Variants in GNB1L observed in about 807,000 individuals in gnomAD.
GNB1L encodes the protein guanine nucleotide-binding protein subunit beta-like protein 1.
GNB1L carries 20 observed loss-of-function variants against 29.1 expected under a neutral mutation model. That is an observed-to-expected ratio of 0.69 (90% CI 0.48 to 1.00). The LOEUF (loss-of-function observed/expected upper bound fraction) is 1.00. Ranked by LOEUF, GNB1L falls within the 50% of genes least tolerant of loss-of-function variation. GNB1L has a pLI of 0.00. For missense variants in GNB1L, 421 were observed against 464.9 expected (o/e 0.91, Z 0.87); for synonymous variants, 193 against 206.5 (o/e 0.93, Z 0.56).
chr22:19,802,040 C>A lies in GNB1L; in HGVS notation c.693G>T (p.Ala231=), dbSNP rs749106756. The change falls in exon 7 of 8, where the codon GCG becomes GCT. Residue 231 remains alanine (A), a synonymous_variant. Transcript: ENST00000329517. The stretch of plus-strand genomic sequence containing the variant: ...GCCAGTCCAGGCTCCAGACAGCCAG[C>A]GCCTTCCCCGCGGAGCCTGAGATGC... ...ARGISGSAGK[A]LAVWSLDWQQ... The A allele has an allele frequency of 5.6e-6, 9 of 1,606,616 alleles. No individual in the cohort carries two copies. Among genetic ancestry groups the A allele is most frequent in the Non-Finnish European group, 7.6e-6 (9 of 1,176,958 alleles).
chr22:19,797,845 C>T (rs944491250), intron 7 of GNB1L, among the ~76,000 whole-genome samples: 1 of 152,204 alleles, frequency 6.6e-6, no homozygotes, highest in Non-Finnish European at 1.5e-5. Flanking sequence ...CCTGACCCCT[C>T]TCATGGCCCC....
chr22:19,823,448 CACT>C (rs1359911063), intron 2 of GNB1L, among the ~76,000 whole-genome samples: 1 of 152,226 alleles, frequency 6.6e-6, no homozygotes, highest in Non-Finnish European at 1.5e-5. Context: ...TCTCAGAAGC[CACT>C]GCCTGTTTGT....
At chr22:19,846,563 G>A (rs561500812) in intron 2 of GNB1L, 130 of 985,454 alleles carry the variant, frequency 1.3e-4, no homozygotes, top group Non-Finnish European at 1.4e-4. Flanking sequence ...GAAGCCTATC[G>A]CGGGCACCGC....
chr22:19,850,304 C>A lies in GNB1L; in HGVS notation c.-21+4139G>T, dbSNP rs1011534910. 3 of 980,176 alleles carry A rather than the reference C, an allele frequency of 3.1e-6. No individual in the cohort carries two copies. The South Asian group carries it at 1.4e-4, about 46-fold the overall frequency. 60.7% of individuals were successfully genotyped at this position (980,176 alleles called of 1,614,324 possible). On this transcript the variant is annotated intron_variant, in intron 2 of 7. Coordinates refer to ENST00000329517, the MANE Select transcript of GNB1L (RefSeq NM_053004.3). The stretch of plus-strand genomic sequence containing the variant: ...GGCCACAGAGCTGACTAAGACAGAG[C>A]CCCTGTGCTGAGGGTCACAGTCTGC...
At chr22:19,814,493 T>C (rs1937517755) in intron 4 of GNB1L, among the ~76,000 whole-genome samples, 1 of 152,184 alleles carries the variant, frequency 6.6e-6, no homozygotes, top group Non-Finnish European at 1.5e-5. Context: ...TCTCTTTGCA[T>C]GTGGACTGCA....
Position 19,783,330 on chromosome 22 carries a change from CAGG to C in GNB1L, c.*5376_*5378del. ...ATTTTACAGGTTTCAGAGCCCAAGT[CAGG>C]AGGTCAAGTGTGCATGCAAGAGGTG... On this transcript the variant is annotated 3_prime_UTR_variant, in exon 8 of 8. Coordinates refer to ENST00000329517, the MANE Select transcript of GNB1L (RefSeq NM_053004.3). The C allele has an allele frequency of 2.6e-6, 1 of 388,536 alleles. No homozygotes were observed. Among genetic ancestry groups the C allele is most frequent in the South Asian group, 2.1e-5 (1 of 47,030 alleles). The allele number at this position is 388,536 out of a possible 1,614,324, so 24.1% of individuals were successfully genotyped here.
intron 2 of GNB1L, chr22:19,851,991 G>A (rs146664903): frequency 2.0e-4 from 323 of 1,614,058 alleles, no homozygotes; most frequent in Non-Finnish European, 2.5e-4. Context: ...ACCCTGTGGG[G>A]TCGGGAGCTG....
At chr22:19,810,987 C>A (rs897199308) in intron 5 of GNB1L, among the ~76,000 whole-genome samples, 1 of 152,180 alleles carries the variant, frequency 6.6e-6, no homozygotes, top group East Asian at 1.9e-4. Context: ...CCGAGACCAG[C>A]GCATGGAGCA....
intron 2 of GNB1L, among the ~76,000 whole-genome samples, chr22:19,843,322 T>C (rs1276643817): frequency 1.3e-5 from 2 of 152,254 alleles, no homozygotes; most frequent in Non-Finnish European, 2.9e-5. Context: ...TCTGTCAGTA[T>C]CCGCCTTTGG....
chr22:19,823,673 G>C (rs987966995), intron 2 of GNB1L, among the ~76,000 whole-genome samples: 6 of 152,160 alleles, frequency 3.9e-5, no homozygotes, highest in African/African-American at 1.4e-4. Flanking sequence ...GTGCAGTCCA[G>C]GCACGAACAC....
At chr22:19,822,053 G>A (rs999502462) in intron 2 of GNB1L, among the ~76,000 whole-genome samples, 27 of 152,280 alleles carry the variant, frequency 1.8e-4, no homozygotes, top group Admixed American at 7.2e-4. Flanking sequence ...AGGGTCCCGG[G>A]GGGCTGCTAG....
chr22:19,802,965 A>G (rs1283605033), intron 6 of GNB1L, among the ~76,000 whole-genome samples: 2 of 152,198 alleles, frequency 1.3e-5, no homozygotes, highest in Non-Finnish European at 2.9e-5. Context: ...GGCACCAAGA[A>G]TGACAGCCCA....
Position 19,786,442 on chromosome 22 carries a change from C to T in GNB1L, c.*2267G>A, listed in dbSNP as rs1937192086. 3 of 152,306 alleles carry T rather than the reference C, an allele frequency of 2.0e-5. No individual in the cohort carries two copies. Among genetic ancestry groups the T allele is most frequent in the Admixed American group, 2.0e-4 (3 of 15,292 alleles). The allele number at this position is 152,306 out of a possible 1,614,324, so 9.4% of individuals were successfully genotyped here. On this transcript the variant is annotated 3_prime_UTR_variant, in exon 8 of 8. Coordinates refer to ENST00000329517, the MANE Select transcript of GNB1L (RefSeq NM_053004.3). ...AGCTCTTCATGGCCTCTATGTAAGA[C>T]ATCAGCAGGCAGTGCCACTCGCCAA...
intron 7 of GNB1L, among the ~76,000 whole-genome samples, chr22:19,795,082 A>G (rs1044454017): frequency 2.0e-5 from 3 of 152,214 alleles, no homozygotes; most frequent in Non-Finnish European, 2.9e-5. Context: ...GGAAAATGCA[A>G]AGGGCAAACC....
rs76666865 is a variant in GNB1L at position 19,812,013 on chromosome 22, T to C, written c.417+272A>G. ...CGCCACTGTCCTCCATGTGCAGAAC[T>C]ATGCTGGGTGCCCAGGCCTCCAAAA... On this transcript the variant is annotated intron_variant, in intron 5 of 7. Transcript: ENST00000329517. Among the ~76,000 whole-genome samples, 1,186 of 152,216 alleles carry C rather than the reference T, an allele frequency of 7.8e-3. 23 individuals carry two copies. In the South Asian group the frequency reaches 0.086, roughly 11 times the overall value.
chr22:19,807,654 T>C (rs1265237491), intron 5 of GNB1L, among the ~76,000 whole-genome samples: 1 of 152,184 alleles, frequency 6.6e-6, no homozygotes, highest in Non-Finnish European at 1.5e-5. Context: ...CTGGCATACA[T>C]GGGGCATCAC....
chr22:19,833,987 A>G (rs1937723915), intron 2 of GNB1L, among the ~76,000 whole-genome samples: 2 of 151,968 alleles, frequency 1.3e-5, no homozygotes, highest in South Asian at 4.1e-4. Flanking sequence ...AGTGGTTAGC[A>G]TAGCAGGGAC....
chr22:19,783,236 G>T lies in GNB1L; in HGVS notation c.*5473C>A. 1.7e-6 allele frequency: 1 copy of T among 573,556 alleles called. No individual in the cohort carries two copies. The highest frequency in any genetic ancestry group is 2.9e-5 in the Admixed American group (1 of 35,046). The allele number at this position is 573,556 out of a possible 1,614,324, so 35.5% of individuals were successfully genotyped here. ...CTGTTATGCTGCTCTGTTTGAGGTG[G>T]TTTATTAATGTAGCAAGAGATAATG... On this transcript the variant is annotated 3_prime_UTR_variant, in exon 8 of 8. Transcript: ENST00000329517.
Position 19,821,955 on chromosome 22 carries a change from G to A in GNB1L, c.-20-580C>T, listed in dbSNP as rs188746626. 2.5e-3 allele frequency among the ~76,000 whole-genome samples: 388 copies of A among 152,268 alleles called. 1 individual carries two copies. Among genetic ancestry groups the A allele is most frequent in the African/African-American group, 8.9e-3 (371 of 41,558 alleles). On this transcript the variant is annotated intron_variant, in intron 2 of 7. Coordinates refer to ENST00000329517, the MANE Select transcript of GNB1L (RefSeq NM_053004.3). ...CTCTTGGGAGCCACCCTCCCTCCCT[G>A]CTGGCAAATCCAGTCTCCCTTCTTC...
Sources: gnomAD v4.1 joint callset for allele counts (sites outside exome capture counted in the v4.1 genomes callset) on GRCh38, gnomAD v4.1.1 for gene constraint, MANE v1.5 for transcripts, NCBI Gene and HGNC (gene_info 2026-07-23, HGNC 2026-07-21) for gene names.